PKIB: variants seen among roughly 807,000 people sequenced by gnomAD.
The protein encoded by PKIB is cAMP-dependent protein kinase inhibitor beta.
PKIB carries 2 observed loss-of-function variants against 4.5 expected under a neutral mutation model. That is an observed-to-expected ratio of 0.44 (90% CI 0.18 to 1.39). The LOEUF (loss-of-function observed/expected upper bound fraction) is 1.39. Ranked by LOEUF, PKIB falls within the 40% of genes most tolerant of loss-of-function variation. PKIB has a pLI of 0.27. For missense variants in PKIB, 94 were observed against 92.6 expected, an observed-to-expected ratio of 1.02 and a Z score of -0.06; for synonymous variants, 38 against 36.0, an observed-to-expected ratio of 1.06 and a Z score of -0.20.
intron 2 of PKIB, among the ~76,000 whole-genome samples, chr6:122,656,178 A>G (rs567769942): frequency 4.6e-5 from 7 of 152,314 alleles, no homozygotes; most frequent in African/African-American, 1.2e-4. Flanking sequence ...GCACCAGTAT[A>G]ATCTGACCAG....
At chr6:122,538,846 T>G (rs1777493219) in intron 2 of PKIB, among the ~76,000 whole-genome samples, 1 of 152,110 alleles carries the variant, frequency 6.6e-6, no homozygotes, top group Non-Finnish European at 1.5e-5. Context: ...GTATCCTCTT[T>G]TATTTCATTG....
intron 2 of PKIB, among the ~76,000 whole-genome samples, chr6:122,557,125 A>G (rs1772867666): frequency 6.6e-6 from 1 of 152,240 alleles, no homozygotes; most frequent in African/African-American, 2.4e-5. Context: ...CTGAGGCACG[A>G]GAATCACTTG....
At chr6:122,478,582 G>C (rs1775512634) in intron 2 of PKIB, 1 of 152,092 alleles carries the variant, frequency 6.6e-6, no homozygotes, top group Non-Finnish European at 1.5e-5. Flanking sequence ...GTAGTCTTTA[G>C]TAAGAGAAAA....
intron 1 of PKIB, among the ~76,000 whole-genome samples, chr6:122,476,154 AGGAT>A (rs889893228): frequency 1.3e-5 from 2 of 152,230 alleles, no homozygotes; most frequent in Non-Finnish European, 2.9e-5. Flanking sequence ...CAGTAGTTAA[AGGAT>A]GAATAAAATT....
chr6:122,703,937 T>TAG (rs1277973682), intron 3 of PKIB, among the ~76,000 whole-genome samples: 37 of 130,414 alleles, frequency 2.8e-4, no homozygotes, highest in African/African-American at 7.0e-4. Flanking sequence ...TATATATATA[T>TAG]ATATAGAGAG....
chr6:122,720,305 C>A (rs1463660508), intron 4 of PKIB, among the ~76,000 whole-genome samples: 1 of 152,024 alleles, frequency 6.6e-6, no homozygotes, highest in African/African-American at 2.4e-5. Flanking sequence ...TAATCTATCC[C>A]TTATAAATTG....
intron 2 of PKIB, among the ~76,000 whole-genome samples, chr6:122,654,876 C>CTTTTTGGT (rs547952343): frequency 1.3e-3 from 194 of 152,198 alleles, no homozygotes; most frequent in African/African-American, 4.5e-3. Flanking sequence ...TGTTAGGTCA[C>CTTTTTGGT]TTTTTGGTTC....
At chr6:122,719,866 T>C (rs1779663351) in intron 4 of PKIB, among the ~76,000 whole-genome samples, 2 of 152,058 alleles carry the variant, frequency 1.3e-5, no homozygotes, top group Non-Finnish European at 2.9e-5. Context: ...AACATAAATA[T>C]ATATAATTTT....
chr6:122,587,422 A>G (rs1043658684), intron 3 of PKIB, among the ~76,000 whole-genome samples: 1 of 152,098 alleles, frequency 6.6e-6, no homozygotes, highest in African/African-American at 2.4e-5. Flanking sequence ...AATCCAGTCT[A>G]TCATTGTTGG....
chr6:122,500,930 C>T (rs144411017), intron 2 of PKIB, among the ~76,000 whole-genome samples: 16 of 152,158 alleles, frequency 1.1e-4, no homozygotes, highest in African/African-American at 2.6e-4. Context: ...TTTAAACAAC[C>T]AGATTTTGTG....
chr6:122,526,018 A>G lies in PKIB; in HGVS notation c.-248+48079A>G, dbSNP rs536743834. Among the ~76,000 whole-genome samples, 12 of 152,294 alleles carry G rather than the reference A, an allele frequency of 7.9e-5. 1 individual carries two copies. The South Asian group carries it at 2.5e-3, about 32-fold the overall frequency. ...CTAAGTTCTTTGTTGTCATTTCAGT[A>G]ATGTTCATAGCATCTGCACCAGGAA... On this transcript the variant is annotated intron_variant, in intron 2 of 6. Coordinates refer to the PKIB transcript ENST00000392491.
chr6:122,591,758 C>A (rs538205911), intron 3 of PKIB, among the ~76,000 whole-genome samples: 1 of 152,130 alleles, frequency 6.6e-6, no homozygotes, highest in African/African-American at 2.4e-5. Flanking sequence ...GTTGCCCAGG[C>A]TGGAGTGCAG....
At chr6:122,652,259 C>CTA (rs541077280) in intron 2 of PKIB, among the ~76,000 whole-genome samples, 78 of 147,796 alleles carry the variant, frequency 5.3e-4, no homozygotes, top group East Asian at 1.6e-3. Context: ...ATATACATAC[C>CTA]TATATATATA....
chr6:122,514,999 C>A (rs1318173850), intron 2 of PKIB, among the ~76,000 whole-genome samples: 2 of 152,130 alleles, frequency 1.3e-5, no homozygotes, highest in Non-Finnish European at 2.9e-5. Flanking sequence ...GTGATTTTTT[C>A]TCTCTTGGTG....
intron 2 of PKIB, among the ~76,000 whole-genome samples, chr6:122,576,275 G>A (rs996944579): frequency 5.3e-5 from 8 of 151,032 alleles, no homozygotes; most frequent in African/African-American, 1.7e-4. Flanking sequence ...CGAGGCAGGC[G>A]GATCACGAGG....
intron 2 of PKIB, among the ~76,000 whole-genome samples, chr6:122,672,654 A>G (rs1777513270): frequency 1.3e-5 from 2 of 152,074 alleles, no homozygotes; most frequent in Admixed American, 1.3e-4. Context: ...GGATCATGAA[A>G]AAATATTAGA....
intron 2 of PKIB, among the ~76,000 whole-genome samples, chr6:122,641,530 A>G (rs2114849958): frequency 6.6e-6 from 1 of 152,316 alleles, no homozygotes; most frequent in Non-Finnish European, 1.5e-5. Flanking sequence ...ACAATGAAGG[A>G]TCAGATTGCA....
intron 1 of PKIB, among the ~76,000 whole-genome samples, chr6:122,627,583 T>A (rs1160032754): frequency 6.6e-6 from 1 of 152,240 alleles, no homozygotes; most frequent in East Asian, 1.9e-4. Flanking sequence ...GGATAATTCC[T>A]GGGGTGTATC....
At chr6:122,722,405 AATT>A (rs765503099) in intron 4 of PKIB, among the ~76,000 whole-genome samples, 15 of 152,152 alleles carry the variant, frequency 9.9e-5, no homozygotes, top group Non-Finnish European at 1.8e-4. Context: ...GTTTTCATCT[AATT>A]ATTATCTTGA....
Sources: allele counts gnomAD v4.1 joint callset (sites outside exome capture counted in the v4.1 genomes callset), GRCh38; gene constraint gnomAD v4.1.1; transcripts MANE v1.5; gene names NCBI Gene and HGNC (gene_info 2026-07-23, HGNC 2026-07-21).